The following ZNF398 variants were observed in gnomAD, a reference collection of about 807,000 sequenced individuals.
The protein encoded by ZNF398 is zinc finger protein 398.
In ZNF398, 18 loss-of-function variants were observed where a neutral mutation model predicts 41.9. That is an observed-to-expected ratio of 0.43 (90% CI 0.30 to 0.64). ZNF398 has a LOEUF of 0.64. ZNF398 is among the 30% of genes least tolerant of loss of function. ZNF398 has a pLI of 0.14. For missense variants in ZNF398, 669 were observed against 822.8 expected (o/e 0.81, Z 2.29); for synonymous variants, 260 against 308.8 (o/e 0.84, Z 1.66).
chr7:149,130,040 C>T (rs1295164254), intron 2 of ZNF398, among the ~76,000 whole-genome samples: 1 of 152,036 alleles, frequency 6.6e-6, no homozygotes, highest in Non-Finnish European at 1.5e-5. Context: ...CTCAGGTGAT[C>T]TGCCTGCCTC....
intron 2 of ZNF398, among the ~76,000 whole-genome samples, chr7:149,137,142 C>T (rs1326563718): frequency 1.3e-5 from 2 of 152,184 alleles, no homozygotes; most frequent in East Asian, 1.9e-4. Flanking sequence ...GCTGGGATTA[C>T]AGGTGTGAGC....
At chr7:149,143,814 A>G (rs1826874775), upstream of ZNF398, among the ~76,000 whole-genome samples, 1 of 152,118 alleles carries the variant, frequency 6.6e-6, no homozygotes, top group Non-Finnish European at 1.5e-5. Context: ...ACTCCATCTC[A>G]AAAAACAAAC....
At chr7:149,144,869 G>A (rs370600575), upstream of ZNF398, among the ~76,000 whole-genome samples, 11 of 152,104 alleles carry the variant, frequency 7.2e-5, no homozygotes, top group African/African-American at 1.7e-4. Context: ...GATTATAGGC[G>A]TGAGTCACCG....
chr7:149,179,190 G>A lies in ZNF398; in HGVS notation c.1318G>A (p.Ala440Thr). The A allele has an allele frequency of 6.2e-7, 1 of 1,613,458 alleles. No individual in the cohort carries two copies. The highest frequency in any genetic ancestry group is 8.5e-7 in the Non-Finnish European group (1 of 1,180,000). ...PDCPKRFADQARLTSHRRAHA... is the reference protein window; with the variant it reads ...PDCPKRFADQTRLTSHRRAHA... The stretch of plus-strand genomic sequence containing the variant: ...TTGCCCCAAGCGCTTTGCTGACCAG[G>A]CTCGACTCACCAGCCACCGGAGAGC... The change falls in exon 6 of 6, where the codon GCT (alanine) becomes ACT (threonine). Residue 440 changes from alanine to threonine, a missense_variant. Ala to Thr is a moderately conservative substitution (Grantham distance 58, BLOSUM62 0). Around this residue, in one of 3 missense-constraint regions of ZNF398, gnomAD observed 210 missense variants for 290.4 expected, o/e 0.72. Coordinates refer to ENST00000475153, the MANE Select transcript of ZNF398 (RefSeq NM_170686.3). This position sits in a 1 kb window ranked among gnomAD's most constrained non-coding sequence, Gnocchi z 6.1.
chr7:149,155,686 TA>T (rs1185845053), intron 2 of ZNF398, among the ~76,000 whole-genome samples: 2 of 95,050 alleles, frequency 2.1e-5, no homozygotes, highest in African/African-American at 7.8e-5. Flanking sequence ...TATTTGGTTA[TA>T]TATATATATA....
In ZNF398 at chr7:149,166,164, G is replaced by A; in HGVS notation, c.427G>A (p.Val143Met). ...GIKGDIPKVPVAFDDVSIYFS... is the reference protein window; with the variant it reads ...GIKGDIPKVPMAFDDVSIYFS... ...CATGTGATTGTAATTTTAGGTGCCT[G>A]TGGCATTTGATGATGTCTCCATCTA... The change falls in exon 3 of 6, where the codon GTG becomes ATG. Residue 143 changes from valine (V) to methionine (M), a missense_variant. Val to Met is a conservative substitution (Grantham distance 21). This residue lies in a region of ZNF398 where 169 missense variants were observed against 239.5 expected (regional missense o/e 0.71). Transcript: ENST00000475153. 6.2e-7 allele frequency: 1 copy of A among 1,613,788 alleles called. No individual in the cohort carries two copies. The highest frequency in any genetic ancestry group is 2.2e-5 in the East Asian group (1 of 44,862).
chr7:149,147,662 C>T lies in ZNF398; in HGVS notation c.-81C>T. The T allele has an allele frequency of 8.1e-7, 1 of 1,234,512 alleles. No individual in the cohort carries two copies. Among genetic ancestry groups the T allele is most frequent in the Non-Finnish European group, 1.0e-6 (1 of 988,474 alleles). 76.5% of individuals were successfully genotyped at this position (1,234,512 alleles called of 1,614,324 possible). A position where few individuals can be genotyped will look rare whatever the true frequency, so the allele number is the denominator to read the frequency against. Reference sequence around the variant, plus strand: ...CCGCCTGTGGAGAGGACCCGGCGGCCGGGCCTGCTTGGAGCCGGGCGCGGT... The same window carrying T: ...CCGCCTGTGGAGAGGACCCGGCGGCTGGGCCTGCTTGGAGCCGGGCGCGGT... On this transcript the variant is annotated 5_prime_UTR_variant, in exon 1 of 6. Transcript: ENST00000475153. The surrounding 1 kb of genome is among the most constrained non-coding windows in gnomAD (Gnocchi z 5.6).
chr7:149,158,042 A>G (rs1795023596), intron 2 of ZNF398, among the ~76,000 whole-genome samples: 1 of 152,128 alleles, frequency 6.6e-6, no homozygotes, highest in Non-Finnish European at 1.5e-5. Flanking sequence ...AGATCGTGCC[A>G]TTGCACTCCA....
chr7:149,128,248 G>C (rs918672964), intron 1 of ZNF398, among the ~76,000 whole-genome samples: 1 of 152,126 alleles, frequency 6.6e-6, no homozygotes, highest in African/African-American at 2.4e-5. Flanking sequence ...GTTCTGTCAG[G>C]AAAGGCGGGA....
chr7:149,156,838 GC>G (rs1415246304), intron 2 of ZNF398, among the ~76,000 whole-genome samples: 1 of 141,744 alleles, frequency 7.1e-6, no homozygotes, highest in African/African-American at 2.6e-5. Context: ...TCCAGCCTGG[GC>G]AACAAGAGCG....
chr7:149,149,298 A>G (rs1827051111), intron 1 of ZNF398, among the ~76,000 whole-genome samples: 1 of 152,022 alleles, frequency 6.6e-6, no homozygotes, highest in South Asian at 2.1e-4. Context: ...CAGTGGCGCC[A>G]TCTGGGCTCA....
chr7:149,134,887 C>T (rs979892973), intron 2 of ZNF398, among the ~76,000 whole-genome samples: 2 of 152,020 alleles, frequency 1.3e-5, no homozygotes, highest in African/African-American at 4.8e-5. Context: ...CACACCACCA[C>T]GCCCAGCTAA....
chr7:149,165,769 CAAAT>C (rs1795214938), intron 2 of ZNF398, among the ~76,000 whole-genome samples: 1 of 152,228 alleles, frequency 6.6e-6, no homozygotes, highest in East Asian at 1.9e-4. Flanking sequence ...ACAAAGAAAA[CAAAT>C]AGAGGAATTT....
At position 149,181,364 on chromosome 7, in the gene ZNF398, T is replaced by C. The variant is rs924187964; in HGVS notation, c.*1563T>C. ...TGGAATCCTGAGGTAGAAGACAGAA[T>C]GCAGAAGTCTTACATCTTGGGCAGG... On this transcript the variant is annotated 3_prime_UTR_variant, in exon 6 of 6. Transcript: ENST00000475153. 1 of 152,230 alleles carries C rather than the reference T, an allele frequency of 6.6e-6. No individual in the cohort carries two copies. Among genetic ancestry groups the C allele is most frequent in the African/African-American group, 2.4e-5 (1 of 41,472 alleles). The allele number at this position is 152,230 out of a possible 1,614,324, so 9.4% of individuals were successfully genotyped here. A position where few individuals can be genotyped will look rare whatever the true frequency, so the allele number is the denominator to read the frequency against.
chr7:149,179,674 C>A lies in ZNF398; in HGVS notation c.1802C>A (p.Ser601Ter). The part of the protein sequence containing the change: ...NGGCGGDSDP[S>*]GQPPNPPGPL... ...GGCTGTGGGGGTGATAGTGACCCAT[C>A]AGGTCAGCCACCCAACCCACCAGGT... Residue 601 changes from serine (S) to a stop codon, truncating the protein, a stop_gained, in exon 6 of 6, where the codon TCA becomes TAA. Transcript: ENST00000475153. LOFTEE classifies it high-confidence loss of function. This position sits in a 1 kb window ranked among gnomAD's most constrained non-coding sequence, Gnocchi z 6.1. 6.2e-7 allele frequency: 1 copy of A among 1,614,236 alleles called. No individual in the cohort carries two copies. The highest frequency in any genetic ancestry group is 8.5e-7 in the Non-Finnish European group (1 of 1,180,042).
upstream of ZNF398, among the ~76,000 whole-genome samples, chr7:149,146,485 G>A (rs1204226789): frequency 5.9e-5 from 9 of 152,166 alleles, no homozygotes; most frequent in Non-Finnish European, 8.8e-5. Context: ...GCAGTTTAAG[G>A]CTGCAGTGAG....
At chr7:149,156,006 A>G (rs533919538) in intron 2 of ZNF398, among the ~76,000 whole-genome samples, 4 of 151,988 alleles carry the variant, frequency 2.6e-5, no homozygotes, top group African/African-American at 7.2e-5. Flanking sequence ...GATTATAGGC[A>G]TGAGCCACCG....
At position 149,154,116 on chromosome 7, in the gene ZNF398, C is replaced by T. The variant is rs1794919308; in HGVS notation, c.196C>T (p.His66Tyr). 1.2e-6 allele frequency: 2 copies of T among 1,613,942 alleles called. No homozygotes were observed. The highest frequency in any genetic ancestry group is 1.3e-5 in the African/African-American group (1 of 74,924). Residue 66 changes from histidine to tyrosine, a missense_variant, in exon 2 of 6, where the codon CAC (histidine) becomes TAC (tyrosine). Physicochemically the swap from His to Tyr is moderately conservative, Grantham distance 83. Coordinates refer to ENST00000475153, the MANE Select transcript of ZNF398 (RefSeq NM_170686.3). ...KVEIHSRRLL[H>Y]LEGRTGTAEK... The stretch of plus-strand genomic sequence containing the variant: ...GGAGATCCACAGCCGGCGACTCCTA[C>T]ACCTGGAAGGTCGGACAGGGACAGC...
At chr7:149,158,179 GA>G (rs1256639485) in intron 2 of ZNF398, among the ~76,000 whole-genome samples, 2 of 151,232 alleles carry the variant, frequency 1.3e-5, no homozygotes, top group South Asian at 2.1e-4. Context: ...GGGCCAAGGA[GA>G]AAAAAAAAGC....
Sources: allele counts gnomAD v4.1 joint callset (sites outside exome capture counted in the v4.1 genomes callset), GRCh38; gene constraint gnomAD v4.1.1; regional missense constraint gnomAD v4.1.1; non-coding constraint Gnocchi (gnomAD v3.1); transcripts MANE v1.5; gene names NCBI Gene and HGNC (gene_info 2026-07-23, HGNC 2026-07-21).